The following CISH variants were observed in gnomAD, a reference collection of about 807,000 sequenced individuals.
CISH encodes the protein cytokine inducible SH2 containing protein.
Under a neutral mutation model 21.3 loss-of-function variants are expected in CISH, and 11 were observed. That is an observed-to-expected ratio of 0.52 (90% CI 0.32 to 0.85). CISH has a LOEUF of 0.85. Ranked by LOEUF, CISH falls within the 40% of genes least tolerant of loss-of-function variation. The pLI, the probability that CISH is intolerant of heterozygous loss-of-function variation, is 0.03. For synonymous variants in CISH, 118 were observed against 142.3 expected (o/e 0.83, Z 1.22); for missense variants, 280 against 351.7 (o/e 0.80, Z 1.63).
At chr3:50,611,164 C>T (rs2032313215) in intron 1 of CISH, 1 of 1,002,194 alleles carries the variant, frequency 1.0e-6, no homozygotes, top group Non-Finnish European at 1.2e-6. Context: ...CTGCGGCTGG[C>T]TTCCCAAGAA....
At chr3:50,611,065 G>A in intron 1 of CISH, 7 of 990,704 alleles carry the variant, frequency 7.1e-6, no homozygotes, top group Non-Finnish European at 8.4e-6. Flanking sequence ...TGAGACGATT[G>A]TGGGGGTACC....
chr3:50,608,326 C>T lies in CISH; in HGVS notation c.241+47G>A, dbSNP rs547039308. ...GACTCAAAGGCAGAACTAAGCTTCT[C>T]CCACCAGACTACTCAGGAAAAGGCC... On this transcript the variant is annotated intron_variant, in intron 2 of 2. Coordinates refer to ENST00000348721, the MANE Select transcript of CISH (RefSeq NM_145071.4). 14 of 1,528,160 alleles carry T rather than the reference C, an allele frequency of 9.2e-6. No individual in the cohort carries two copies. In the South Asian group the frequency reaches 1.7e-4, roughly 19 times the overall value. 94.7% of individuals were successfully genotyped at this position (1,528,160 alleles called of 1,614,324 possible).
chr3:50,611,414 C>A, intron 1 of CISH: 1 of 1,360,534 alleles, frequency 7.4e-7, no homozygotes, highest in South Asian at 1.8e-5. Context: ...CCGGCCAGCC[C>A]CCGGTTTCCC....
rs139578499 is a variant in CISH, at chr3:50,608,018, G to A, written c.366C>T (p.Thr122=). The A allele has an allele frequency of 1.8e-4, 284 of 1,613,904 alleles. No homozygotes were observed. Among genetic ancestry groups the A allele is most frequent in the Non-Finnish European group, 2.2e-4 (261 of 1,180,030 alleles). The stretch of plus-strand genomic sequence containing the variant: ...TGCGTACATTGGTGGGGCCACGAGT[G>A]GTTTTCACTGACAGCGTGAACAGGT... ...PSYLFTLSVK[T]TRGPTNVRIE... is the part of the protein sequence containing the mutation. Residue 122 remains threonine, a synonymous_variant, in exon 3 of 3, where the codon ACC becomes ACT. Coordinates refer to ENST00000348721, the MANE Select transcript of CISH (RefSeq NM_145071.4).
chr3:50,609,975 T>G (rs1216038413), intron 1 of CISH: 2 of 184,248 alleles, frequency 1.1e-5, no homozygotes, highest in Non-Finnish European at 2.3e-5. Flanking sequence ...GAGCCAGACC[T>G]GACTCCTGTG....
At position 50,610,395 on chromosome 3, in the gene CISH, C is replaced by T. The variant is rs1041219886; in HGVS notation, c.20+1236G>A. 1.1e-5 allele frequency: 17 copies of T among 1,551,442 alleles called. No individual in the cohort carries two copies. The highest frequency in any genetic ancestry group is 5.9e-5 in the Admixed American group (3 of 50,982). ...TACCTGGGCAGGGGTGTGTCCATGG[C>T]TGTGTCATCATCATGGTGGGGACAG... On this transcript the variant is annotated intron_variant, in intron 1 of 2. Coordinates refer to ENST00000348721, the MANE Select transcript of CISH (RefSeq NM_145071.4).
At chr3:50,610,494 C>G (rs2032291034) in intron 1 of CISH, 1 of 1,550,920 alleles carries the variant, frequency 6.4e-7, no homozygotes, top group Non-Finnish European at 8.7e-7. Flanking sequence ...TCCCTGACAC[C>G]CAACAGTAGC....
At chr3:50,610,216 T>C in intron 1 of CISH, 1 of 806,370 alleles carries the variant, frequency 1.2e-6, no homozygotes, top group Non-Finnish European at 2.0e-6. Flanking sequence ...GGTTGGTGGC[T>C]AGCCAGTCAG....
In CISH at chr3:50,611,766, A is replaced by G; in HGVS notation, c.-116T>C. On this transcript the variant is annotated 5_prime_UTR_variant, in exon 1 of 3. Coordinates refer to ENST00000348721, the MANE Select transcript of CISH (RefSeq NM_145071.4). Reference sequence around the variant, plus strand: ...GGCTCCCGGGGCGCGCGGGCGCAGGACAGGGACTGAGAGGCAGTGGCGCGG... The same window carrying G: ...GGCTCCCGGGGCGCGCGGGCGCAGGGCAGGGACTGAGAGGCAGTGGCGCGG... 7.4e-7 allele frequency: 1 copy of G among 1,345,528 alleles called. No homozygotes were observed. The highest frequency in any genetic ancestry group is 9.6e-7 in the Non-Finnish European group (1 of 1,041,352). 83.3% of individuals were successfully genotyped at this position (1,345,528 alleles called of 1,614,324 possible). A position where few individuals can be genotyped will look rare whatever the true frequency, so the allele number is the denominator to read the frequency against.
At position 50,608,198 on chromosome 3, in the gene CISH, A is replaced by T. The variant is rs916873255; in HGVS notation, c.242-56T>A. 3 of 1,559,654 alleles carry T rather than the reference A, an allele frequency of 1.9e-6. No homozygotes were observed. The African/African-American group carries it at 4.1e-5, about 21-fold the overall frequency. On this transcript the variant is annotated intron_variant, in intron 2 of 2. Transcript: ENST00000348721. Reference sequence around the variant, plus strand: ...TAGTGGAAATTAGCTGGGGTAACCAATCCAGTGCAAGTCAAGGCAGTGCCT... The same window carrying T: ...TAGTGGAAATTAGCTGGGGTAACCATTCCAGTGCAAGTCAAGGCAGTGCCT...
chr3:50,608,060 G>A lies in CISH; in HGVS notation c.324C>T (p.Asp108=), dbSNP rs770479353. 1 of 1,613,846 alleles carries A rather than the reference G, an allele frequency of 6.2e-7. No individual in the cohort carries two copies. Among genetic ancestry groups the A allele is most frequent in the South Asian group, 1.1e-5 (1 of 91,088 alleles). Residue 108 remains aspartate (D), a synonymous_variant, in exon 3 of 3, where the codon GAC becomes GAT. Coordinates refer to ENST00000348721, the MANE Select transcript of CISH (RefSeq NM_145071.4). ...TGAACAGGTAGCTGGGGTGCGTGCT[G>A]TCACGTACTAAGAACGTGCCTTCTG... ...KMPEGTFLVR[D]STHPSYLFTL... is the part of the protein sequence containing the mutation.
chr3:50,610,261 C>A (rs2032281411), intron 1 of CISH: 1 of 1,271,156 alleles, frequency 7.9e-7, no homozygotes, highest in Admixed American at 2.0e-5. Flanking sequence ...GTCCAGATAG[C>A]TTAGCCGGTC....
Position 50,607,956 on chromosome 3 carries a change from T to A in CISH, c.428A>T (p.Asn143Ile). ...YADSSFRLDS[N>I]CLSRPRILAF... ...CAGGATGCGTGGCCTGGACAAGCAG[T>A]TGGAGTCCAGACGGAAGCTGGAGTC... is the stretch of plus-strand genomic sequence containing the variant. Residue 143 changes from asparagine to isoleucine, a missense_variant, in exon 3 of 3, where the codon AAC (asparagine) becomes ATC (isoleucine). Transcript: ENST00000348721. 6.2e-7 allele frequency: 1 copy of A among 1,613,956 alleles called. No homozygotes were observed. Among genetic ancestry groups the A allele is most frequent in the Admixed American group, 1.7e-5 (1 of 60,016 alleles).
intron 1 of CISH, chr3:50,610,141 G>A: frequency 1.7e-6 from 1 of 574,604 alleles, no homozygotes; most frequent in East Asian, 2.9e-5. Context: ...CCCTCTTGGA[G>A]AGCTGGAGGC....
chr3:50,608,189 G>A, intron 2 of CISH, 47 bp from the exon 3 acceptor site: 1 of 1,565,678 alleles, frequency 6.4e-7, no homozygotes, highest in Non-Finnish European at 8.7e-7. Flanking sequence ...AAATTAGCTG[G>A]GGTAACCAAT....
chr3:50,611,624 C>A lies in CISH; in HGVS notation c.20+7G>T. 1 of 1,520,368 alleles carries A rather than the reference C, an allele frequency of 6.6e-7. No individual in the cohort carries two copies. The highest frequency in any genetic ancestry group is 8.8e-7 in the Non-Finnish European group (1 of 1,133,940). 94.2% of individuals were successfully genotyped at this position (1,520,368 alleles called of 1,614,324 possible). A position where few individuals can be genotyped will look rare whatever the true frequency, so the allele number is the denominator to read the frequency against. On this transcript the variant is annotated splice_region_variant and intron_variant, in intron 1 of 2. Coordinates refer to ENST00000348721, the MANE Select transcript of CISH (RefSeq NM_145071.4). ...TGGCCGGGAAGGGGGCAGAGAGCCG[C>A]GCTTACCCCTGAACGCAGAGGACCA...
chr3:50,607,426 A>C lies in CISH; in HGVS notation c.*181T>G. The C allele has an allele frequency of 1.6e-6, 1 of 639,690 alleles. No individual in the cohort carries two copies. The highest frequency in any genetic ancestry group is 2.7e-6 in the Non-Finnish European group (1 of 368,066). 39.6% of individuals were successfully genotyped at this position (639,690 alleles called of 1,614,324 possible). The stretch of plus-strand genomic sequence containing the variant: ...ATGCGGCCTGGGGGCATTTACCTCC[A>C]AGTTGTGTGACACCTCCCCTCTCCC... On this transcript the variant is annotated 3_prime_UTR_variant, in exon 3 of 3. Coordinates refer to ENST00000348721, the MANE Select transcript of CISH (RefSeq NM_145071.4).
intron 1 of CISH, 173 bp from the exon 2 acceptor site, chr3:50,608,766 T>C: frequency 2.3e-6 from 1 of 435,496 alleles, no homozygotes; most frequent in Non-Finnish European, 4.0e-6. Context: ...CGTTCCCCAC[T>C]TGTCATCACA....
intron 1 of CISH, chr3:50,611,194 G>A: frequency 9.8e-7 from 1 of 1,018,336 alleles, no homozygotes; most frequent in Non-Finnish European, 1.2e-6. Context: ...TGCTAGCCTG[G>A]GGCAGGAGAG....
Sources: gnomAD v4.1 joint callset for allele counts on GRCh38, gnomAD v4.1.1 for gene constraint, MANE v1.5 for transcripts, NCBI Gene and HGNC (gene_info 2026-07-23, HGNC 2026-07-21) for gene names.